NMS: variants seen among roughly 807,000 people sequenced by gnomAD.
NMS encodes the protein neuromedin-S.
NMS carries 30 observed loss-of-function variants against 32.2 expected under a neutral mutation model. The observed-to-expected ratio is 0.93, with a 90% CI of 0.70 to 1.26. The LOEUF is 1.26. Among genes scored for constraint, NMS ranks in the 50% most tolerant of loss-of-function variants. The probability of loss-of-function intolerance (pLI) is 0.00; values close to 1 mark genes in which losing one functional copy is unlikely to be tolerated. For missense variants in NMS, 190 were observed against 186.3 expected, an observed-to-expected ratio of 1.02 and a Z score of -0.12; for synonymous variants, 76 against 58.5, an observed-to-expected ratio of 1.30 and a Z score of -1.37.
chr2:100,480,605 C>T (rs547816461), intron 7 of NMS, 74 bp downstream of exon 7: 55 of 1,497,608 alleles, frequency 3.7e-5, no homozygotes, highest in Admixed American at 1.5e-4. Context: ...TCCTTGGAGC[C>T]AGCCACCCTG....
chr2:100,474,795 C>T (rs1328785904), intron 3 of NMS, among the ~76,000 whole-genome samples: 6 of 152,178 alleles, frequency 3.9e-5, no homozygotes, highest in African/African-American at 1.4e-4. Flanking sequence ...AGGCCCATTT[C>T]TTCTTATTTT....
chr2:100,476,585 C>T (rs542914891), intron 3 of NMS, among the ~76,000 whole-genome samples: 16 of 152,152 alleles, frequency 1.1e-4, no homozygotes, highest in Non-Finnish European at 1.6e-4. Flanking sequence ...ATGATCAGTA[C>T]GAACCAGATC....
Position 100,481,184 on chromosome 2 carries a change from C to T in NMS, c.414+17C>T. On this transcript the variant is annotated intron_variant, in intron 8 of 9. Coordinates refer to ENST00000376865, the MANE Select transcript of NMS (RefSeq NM_001011717.1). ...CTTTTCAGGGTATAGCATGTTTTCT[C>T]ACCTTTGCTTTCTAACCTCGATTCA... 1 of 1,613,490 alleles carries T rather than the reference C, an allele frequency of 6.2e-7. No homozygotes were observed. The highest frequency in any genetic ancestry group is 8.5e-7 in the Non-Finnish European group (1 of 1,179,400).
intron 3 of NMS, among the ~76,000 whole-genome samples, chr2:100,476,055 A>T (rs1253698753): frequency 6.6e-6 from 1 of 151,904 alleles, no homozygotes. Context: ...GGCATATGAA[A>T]CGTTGAGCCG....
chr2:100,480,612 C>T, intron 7 of NMS, 81 bp downstream of exon 7: 1 of 1,408,140 alleles, frequency 7.1e-7, no homozygotes, highest in South Asian at 1.2e-5. Context: ...AGCCAGCCAC[C>T]CTGCAGCCCC....
intron 6 of NMS, 69 bp downstream of exon 6, chr2:100,479,496 C>A: frequency 1.5e-6 from 2 of 1,352,476 alleles, no homozygotes; most frequent in South Asian, 1.3e-5. Flanking sequence ...TAAAAGCATG[C>A]TGTCACCTTG....
intron 7 of NMS, 30 bp from the exon 8 acceptor site, chr2:100,481,096 C>A (rs764238998): frequency 8.1e-6 from 13 of 1,612,694 alleles, no homozygotes; most frequent in Non-Finnish European, 1.0e-5. Flanking sequence ...AATATGGTTG[C>A]ATAATGGCTT....
rs1412878865 is a variant in NMS at position 100,480,503 on chromosome 2, G to A, written c.344G>A (p.Gly115Glu). 3 of 1,613,318 alleles carry A rather than the reference G, an allele frequency of 1.9e-6. No individual in the cohort carries two copies. Among genetic ancestry groups the A allele is most frequent in the Non-Finnish European group, 2.5e-6 (3 of 1,179,978 alleles). Residue 115 changes from glycine to glutamate, a missense_variant, in exon 7 of 10, where the codon GGG becomes GAG. Gly to Glu is a moderately conservative substitution (Grantham distance 98). Transcript: ENST00000376865. ...RMKRILQRGS[G>E]TAAVDFTKKD... ...TGCCTCATTTCCTTGCAGGGCTCGG[G>A]GACTGCTGCAGTGGACTTCACCAAG...
chr2:100,479,450 C>T (rs1453830541), intron 6 of NMS, 23 bp downstream of exon 6: 10 of 1,593,714 alleles, frequency 6.3e-6, no homozygotes, highest in Non-Finnish European at 7.7e-6. Context: ...ATTCTTCCAC[C>T]ATAGTTTATG....
chr2:100,479,185 T>C (rs1009190383), intron 5 of NMS, among the ~76,000 whole-genome samples, 168 bp from the exon 6 acceptor site: 1 of 152,256 alleles, frequency 6.6e-6, no homozygotes, highest in Non-Finnish European at 1.5e-5. Flanking sequence ...CGGCTCTTTA[T>C]TGAAAACATA....
intron 5 of NMS, among the ~76,000 whole-genome samples, chr2:100,478,388 A>G (rs1677153821): frequency 6.6e-6 from 1 of 152,214 alleles, no homozygotes; most frequent in Admixed American, 6.5e-5. Flanking sequence ...AATAACCAGG[A>G]AAAAAATGTT....
At chr2:100,475,293 C>G (rs1677088025) in intron 3 of NMS, among the ~76,000 whole-genome samples, 1 of 152,170 alleles carries the variant, frequency 6.6e-6, no homozygotes, top group Non-Finnish European at 1.5e-5. Context: ...TTGGTTTCCT[C>G]AACTGCCCAA....
chr2:100,482,390 G>A (rs1677236448), intron 9 of NMS, 79 bp downstream of exon 9: 1 of 1,306,170 alleles, frequency 7.7e-7, no homozygotes, highest in South Asian at 1.2e-5. Context: ...GAGAGTGAGA[G>A]GCAGCCATGG....
chr2:100,476,649 T>C (rs6726082), intron 3 of NMS, among the ~76,000 whole-genome samples: 42,004 of 152,082 alleles, frequency 0.28, 6,210 homozygotes, highest in East Asian at 0.41. Flanking sequence ...TTATAAAACA[T>C]GGACATGAAC....
intron 6 of NMS, among the ~76,000 whole-genome samples, chr2:100,479,774 C>T (rs1249082998): frequency 1.3e-5 from 2 of 152,196 alleles, no homozygotes; most frequent in South Asian, 4.1e-4. Context: ...AACGCCCTGG[C>T]GATATCTTCT....
At chr2:100,481,250 G>T (rs772327310) in intron 8 of NMS, 83 bp downstream of exon 8, 3 of 1,268,840 alleles carry the variant, frequency 2.4e-6, no homozygotes, top group Non-Finnish European at 3.5e-6. Flanking sequence ...AAACAGCAGA[G>T]CCAGGACCCC....
chr2:100,477,273 T>A lies in NMS; in HGVS notation c.207+6T>A, dbSNP rs183693597. ...ATCAAGACATATACAAAAGGGTGAG[T>A]ACCACCTAGCCCTGTACAAGTGCAT... On this transcript the variant is annotated splice_donor_region_variant and intron_variant, in intron 4 of 9. Coordinates refer to ENST00000376865, the MANE Select transcript of NMS (RefSeq NM_001011717.1). 1 of 1,613,100 alleles carries A rather than the reference T, an allele frequency of 6.2e-7. No individual in the cohort carries two copies. The highest frequency in any genetic ancestry group is 2.2e-5 in the East Asian group (1 of 44,850).
intron 2 of NMS, 55 bp from the exon 3 acceptor site, chr2:100,473,434 C>T: frequency 2.0e-6 from 2 of 1,010,432 alleles, no homozygotes; most frequent in Non-Finnish European, 2.9e-6. Flanking sequence ...ATTAATCAAT[C>T]TCTCTCTTCA....
chr2:100,479,998 A>G (rs1677185709), intron 6 of NMS, among the ~76,000 whole-genome samples: 1 of 152,160 alleles, frequency 6.6e-6, no homozygotes, highest in African/African-American at 2.4e-5. Flanking sequence ...TTTGTCCAGG[A>G]CTTTCCTAGT....
Sources: allele counts gnomAD v4.1 joint callset (sites outside exome capture counted in the v4.1 genomes callset), GRCh38; gene constraint gnomAD v4.1.1; transcripts MANE v1.5; gene names NCBI Gene and HGNC (gene_info 2026-07-23, HGNC 2026-07-21).